EYS: variants seen among roughly 807,000 people sequenced by gnomAD.
The protein encoded by EYS is EGF-like photoreceptor maintenance factor.
Under a neutral mutation model 282.1 loss-of-function variants are expected in EYS, and 250 were observed. The observed-to-expected ratio is 0.89, with a 90% confidence interval of 0.80 to 0.98. EYS has a LOEUF of 0.98. Ranked by LOEUF, EYS falls within the 50% of genes least tolerant of loss-of-function variation. The pLI is 0.00. For missense variants in EYS, 4,016 were observed against 3,709.0 expected (o/e 1.08, Z -2.15); for synonymous variants, 1,355 against 1,282.9 (o/e 1.06, Z -1.20).
chr6:63,931,566 A>G (rs559980637), intron 35 of EYS, among the ~76,000 whole-genome samples: 1 of 152,174 alleles, frequency 6.6e-6, no homozygotes, highest in Non-Finnish European at 1.5e-5. Context: ...ACATGGTTCA[A>G]CCCTGAGCTC....
intron 11 of EYS, among the ~76,000 whole-genome samples, chr6:65,318,431 C>T (rs1340715362): frequency 6.7e-6 from 1 of 149,656 alleles, no homozygotes; most frequent in Non-Finnish European, 1.5e-5. Flanking sequence ...TGGTATAGTG[C>T]GTGTGGGAGG....
chr6:65,480,696 T>C (rs961190877), intron 5 of EYS, among the ~76,000 whole-genome samples: 1 of 152,166 alleles, frequency 6.6e-6, no homozygotes, highest in African/African-American at 2.4e-5. Context: ...AGTCAATATA[T>C]GGAATCAACC....
At chr6:63,944,059 GC>G (rs1317615265) in intron 35 of EYS, among the ~76,000 whole-genome samples, 3 of 152,152 alleles carry the variant, frequency 2.0e-5, no homozygotes, top group African/African-American at 7.2e-5. Flanking sequence ...ACAGAGAGAT[GC>G]AGAGCGCAGG....
intron 26 of EYS, among the ~76,000 whole-genome samples, chr6:64,511,929 T>C (rs1777419382): frequency 1.3e-5 from 2 of 152,028 alleles, no homozygotes; most frequent in South Asian, 4.1e-4. Context: ...TAAGAAATAT[T>C]TGGAAGAGAC....
intron 19 of EYS, among the ~76,000 whole-genome samples, chr6:64,870,609 T>C (rs1384078476): frequency 6.6e-6 from 1 of 151,742 alleles, no homozygotes. Flanking sequence ...TCCTGAATAA[T>C]ACCTCGTGGC....
rs1191377144 is a variant in EYS, at chr6:65,574,571, A to C, written c.-333+65207T>G. Among the ~76,000 whole-genome samples the C allele has an allele frequency of 2.0e-5, 3 of 152,320 alleles. No individual in the cohort carries two copies. In the East Asian group the frequency reaches 5.8e-4, roughly 29 times the overall value. ...ATAATGATAAATGTATTAATTAATC[A>C]AGATGTAATGATTGTAAACATATAT... On this transcript the variant is annotated intron_variant, in intron 2 of 42. Coordinates refer to ENST00000503581, the MANE Select transcript of EYS (RefSeq NM_001142800.2).
chr6:64,020,532 G>C (rs1769139391), intron 33 of EYS, among the ~76,000 whole-genome samples: 1 of 152,106 alleles, frequency 6.6e-6, no homozygotes, highest in Non-Finnish European at 1.5e-5. Context: ...GGGCTTCATG[G>C]GGTGCAAATA....
At chr6:64,225,929 C>T (rs961411514) in intron 31 of EYS, among the ~76,000 whole-genome samples, 3 of 152,114 alleles carry the variant, frequency 2.0e-5, no homozygotes, top group Non-Finnish European at 4.4e-5. Flanking sequence ...AGTATTTCAG[C>T]CATTGTCATT....
At chr6:64,992,533 T>A (rs950963769) in intron 14 of EYS, among the ~76,000 whole-genome samples, 1 of 151,950 alleles carries the variant, frequency 6.6e-6, no homozygotes. Context: ...AAAGGCTATA[T>A]ATAAGAGCTA....
At chr6:63,880,265 C>T (rs889469312) in intron 35 of EYS, among the ~76,000 whole-genome samples, 14 of 152,066 alleles carry the variant, frequency 9.2e-5, no homozygotes, top group African/African-American at 2.9e-4. Context: ...AATCAGGCAG[C>T]AAAAATGGCC....
chr6:65,554,442 A>G (rs919505903), intron 2 of EYS, among the ~76,000 whole-genome samples: 1 of 152,116 alleles, frequency 6.6e-6, no homozygotes, highest in Non-Finnish European at 1.5e-5. Context: ...ATCAGCCAAG[A>G]AAATATTCCC....
chr6:65,078,687 T>C (rs1774132309), intron 12 of EYS, among the ~76,000 whole-genome samples: 2 of 152,028 alleles, frequency 1.3e-5, no homozygotes, highest in East Asian at 3.9e-4. Flanking sequence ...AGGTACATTT[T>C]CCACGGCCAG....
At chr6:65,385,179 T>G (rs1765753259) in intron 7 of EYS, among the ~76,000 whole-genome samples, 3 of 151,846 alleles carry the variant, frequency 2.0e-5, no homozygotes, top group South Asian at 2.1e-4. Flanking sequence ...GGACCCCAAA[T>G]GAAAGAATGT....
At chr6:64,695,436 C>A (rs1770540667) in intron 22 of EYS, among the ~76,000 whole-genome samples, 1 of 152,120 alleles carries the variant, frequency 6.6e-6, no homozygotes, top group Middle Eastern at 3.2e-3. Flanking sequence ...AGGCCTTCAG[C>A]TCACTCATCC....
At chr6:65,544,027 TGTGAGA>T (rs58637840) in intron 2 of EYS, among the ~76,000 whole-genome samples, 2,499 of 112,888 alleles carry the variant, frequency 0.022, 67 homozygotes, top group African/African-American at 0.083. Flanking sequence ...TGTGTGTGTG[TGTGAGA>T]GAGAGAGAGA....
At chr6:64,341,581 A>G (rs1383858313) in intron 29 of EYS, among the ~76,000 whole-genome samples, 1 of 151,626 alleles carries the variant, frequency 6.6e-6, no homozygotes, top group African/African-American at 2.4e-5. Context: ...TGGAAAAACT[A>G]CCCATTGGGT....
At chr6:64,658,900 T>C (rs1235225298) in intron 22 of EYS, among the ~76,000 whole-genome samples, 1 of 152,216 alleles carries the variant, frequency 6.6e-6, no homozygotes. Context: ...AATAGACATC[T>C]TCAGAACTCT....
chr6:64,213,083 A>G (rs1765828296), intron 31 of EYS, among the ~76,000 whole-genome samples: 1 of 152,070 alleles, frequency 6.6e-6, no homozygotes, highest in South Asian at 2.1e-4. Context: ...ACTGGGGCCT[A>G]TTGGAGGGTG....
chr6:65,171,916 C>T (rs1280085851), intron 12 of EYS, among the ~76,000 whole-genome samples: 1 of 150,688 alleles, frequency 6.6e-6, no homozygotes, highest in African/African-American at 2.4e-5. Flanking sequence ...TTAATTTTAC[C>T]AAGTATTATA....
Sources: allele counts gnomAD v4.1 joint callset (sites outside exome capture counted in the v4.1 genomes callset), GRCh38; gene constraint gnomAD v4.1.1; transcripts MANE v1.5; gene names NCBI Gene and HGNC (gene_info 2026-07-23, HGNC 2026-07-21).